MYT1L: variants seen among roughly 807,000 people sequenced by gnomAD.
MYT1L encodes myelin transcription factor 1 like.
Under a neutral mutation model 126.7 loss-of-function variants are expected in MYT1L, and 12 were observed. The ratio of observed to expected loss-of-function variants is 0.09; its 90% CI spans 0.06 to 0.15. The LOEUF is 0.15. Ranked by LOEUF, MYT1L falls within the 10% of genes least tolerant of loss-of-function variation. MYT1L has a pLI of 1.00. For synonymous variants in MYT1L, 541 were observed against 604.2 expected (o/e 0.90, Z 1.53); for missense variants, 979 against 1,585.2 (o/e 0.62, Z 6.49).
rs377426271 is a variant in MYT1L, at chr2:2,206,164, G to C, written c.-420-33176C>G. 3.0e-3 allele frequency among the ~76,000 whole-genome samples: 460 copies of C among 151,968 alleles called. 7 individuals carry two copies. Among genetic ancestry groups the C allele is most frequent in the African/African-American group, 5.4e-3 (223 of 41,464 alleles). On this transcript the variant is annotated intron_variant, in intron 2 of 24. Transcript: ENST00000647738. ...CGCCCAGCTAATTTTTTTTAGTAGA[G>C]ATGGGGTTTCACCTTGTTGGCCAGG...
At chr2:2,049,620 C>T (rs1167457452) in intron 4 of MYT1L, among the ~76,000 whole-genome samples, 1 of 152,192 alleles carries the variant, frequency 6.6e-6, no homozygotes, top group Non-Finnish European at 1.5e-5. Context: ...CAAATCTCAT[C>T]TTGAATTGTA....
At position 1,792,398 on chromosome 2, in the gene MYT1L, C is replaced by T. The variant is rs1447192003; in HGVS notation, c.3343G>A (p.Glu1115Lys). Residue 1115 changes from glutamate to lysine, a missense_variant, in exon 24 of 25, where the codon GAG becomes AAG. By Grantham distance (56) the Glu-to-Lys change is moderately conservative. This residue lies in a region of MYT1L where 179 missense variants were observed against 398.6 expected (regional missense o/e 0.45). Transcript: ENST00000647738. ...TTCGCCAGCTCGTGGAGGAGAGACT[C>T]GTTCTGCTGCTCAATCACTTTGTTC... ...EENKVIEQQN[E>K]SLLHELANLS... The T allele has an allele frequency of 6.2e-7, 1 of 1,613,300 alleles. No homozygotes were observed. The highest frequency in any genetic ancestry group is 8.5e-7 in the Non-Finnish European group (1 of 1,179,606).
chr2:2,068,228 T>C (rs568726341), intron 3 of MYT1L, among the ~76,000 whole-genome samples: 12 of 152,244 alleles, frequency 7.9e-5, no homozygotes, highest in African/African-American at 2.4e-4. Flanking sequence ...CATGAGGAGC[T>C]GATACCCTGG....
chr2:2,175,657 C>A (rs1222533265), intron 2 of MYT1L, among the ~76,000 whole-genome samples: 2 of 150,614 alleles, frequency 1.3e-5, no homozygotes, highest in Non-Finnish European at 2.9e-5. Flanking sequence ...GCAAGGATGC[C>A]CGAGCCTGGT....
At chr2:2,248,537 A>G (rs903164172) in intron 2 of MYT1L, among the ~76,000 whole-genome samples, 1 of 152,172 alleles carries the variant, frequency 6.6e-6, no homozygotes, top group Non-Finnish European at 1.5e-5. Context: ...TGAGGCCAGT[A>G]TTACCCTGAC....
At chr2:2,310,994 T>C (rs2095959053) in intron 1 of MYT1L, among the ~76,000 whole-genome samples, 1 of 152,190 alleles carries the variant, frequency 6.6e-6, no homozygotes, top group Admixed American at 6.5e-5. Flanking sequence ...ATATTCTGCT[T>C]CATGGATCTG....
At chr2:2,099,110 C>T (rs1314300544) in intron 3 of MYT1L, among the ~76,000 whole-genome samples, 1 of 152,142 alleles carries the variant, frequency 6.6e-6, no homozygotes, top group Non-Finnish European at 1.5e-5. Flanking sequence ...CTGCTTCTTC[C>T]AAAGGTCTTA....
At chr2:1,950,157 T>C (rs1442812976) in intron 8 of MYT1L, among the ~76,000 whole-genome samples, 1 of 152,044 alleles carries the variant, frequency 6.6e-6, no homozygotes, top group Non-Finnish European at 1.5e-5. Flanking sequence ...GTCACTTGTG[T>C]AAAATCACAG....
chr2:2,031,129 C>T (rs948893662), intron 4 of MYT1L, among the ~76,000 whole-genome samples: 1 of 152,204 alleles, frequency 6.6e-6, no homozygotes, highest in Non-Finnish European at 1.5e-5. Context: ...TTTCTCTGCA[C>T]ATTTTAGAGA....
intron 3 of MYT1L, among the ~76,000 whole-genome samples, chr2:2,087,468 G>A (rs1374853804): frequency 6.6e-6 from 1 of 152,178 alleles, no homozygotes; most frequent in Non-Finnish European, 1.5e-5. Context: ...GGACACCCAG[G>A]AGGGGCCCTG....
chr2:1,957,588 CTATCTATCTAT>C (rs1167965824), intron 8 of MYT1L, among the ~76,000 whole-genome samples: 1 of 146,286 alleles, frequency 6.8e-6, no homozygotes, highest in Non-Finnish European at 1.5e-5. Context: ...TATCATCCAT[CTATCTATCTAT>C]TATCTATCTA....
intron 2 of MYT1L, among the ~76,000 whole-genome samples, chr2:2,262,165 A>G (rs559288386): frequency 1.3e-5 from 2 of 152,324 alleles, no homozygotes; most frequent in South Asian, 4.1e-4. Flanking sequence ...CACTAAATAA[A>G]TATTTGTGAA....
intron 3 of MYT1L, among the ~76,000 whole-genome samples, chr2:2,170,032 A>G (rs2089789616): frequency 6.6e-6 from 1 of 152,136 alleles, no homozygotes; most frequent in Non-Finnish European, 1.5e-5. Context: ...AGAGGTGGCA[A>G]CCTTGCTCTC....
At chr2:2,122,625 A>T (rs1377390858) in intron 3 of MYT1L, among the ~76,000 whole-genome samples, 1 of 152,224 alleles carries the variant, frequency 6.6e-6, no homozygotes, top group Non-Finnish European at 1.5e-5. Context: ...GCTAACAGCC[A>T]TTACTTGGAC....
At chr2:2,205,374 T>G (rs1047742832) in intron 2 of MYT1L, among the ~76,000 whole-genome samples, 1 of 152,220 alleles carries the variant, frequency 6.6e-6, no homozygotes, top group African/African-American at 2.4e-5. Context: ...ATGTGAACCT[T>G]AAACAATTCT....
At chr2:1,886,951 A>C (rs1378166635) in intron 17 of MYT1L, 5 of 402,940 alleles carry the variant, frequency 1.2e-5, no homozygotes, top group Non-Finnish European at 1.7e-5. Flanking sequence ...ATAGCACTTA[A>C]AGGGTTGACA....
rs2076913442 is a variant in MYT1L at position 2,091,439 on chromosome 2, G to A, written c.-303-37316C>T. On this transcript the variant is annotated intron_variant, in intron 3 of 24. Transcript: ENST00000647738. ...TATTTAGTAAACCATGCTGTAAACA[G>A]ATGTGCTGTCATCCAGGCTTTGTTG... Among the ~76,000 whole-genome samples the A allele has an allele frequency of 2.0e-5, 3 of 152,314 alleles. 1 individual carries two copies. Among genetic ancestry groups the A allele is most frequent in the East Asian group, 3.9e-4 (2 of 5,180 alleles).
At chr2:2,251,953 CGGCAA>C (rs1203689967) in intron 2 of MYT1L, among the ~76,000 whole-genome samples, 2 of 151,678 alleles carry the variant, frequency 1.3e-5, no homozygotes, top group Non-Finnish European at 2.9e-5. Context: ...AAAAAGGGAA[CGGCAA>C]GGCAAGGCAG....
intron 18 of MYT1L, 94 bp downstream of exon 18, chr2:1,886,445 C>T: frequency 1.1e-6 from 1 of 925,374 alleles, no homozygotes; most frequent in Admixed American, 3.2e-5. Context: ...TGTTTTTTAA[C>T]AGACATTTTT....
Sources: allele counts gnomAD v4.1 joint callset (sites outside exome capture counted in the v4.1 genomes callset), GRCh38; gene constraint gnomAD v4.1.1; regional missense constraint gnomAD v4.1.1; transcripts MANE v1.5; gene names NCBI Gene and HGNC (gene_info 2026-07-23, HGNC 2026-07-21).